The following CDK13 variants were observed in gnomAD, a reference collection of about 807,000 sequenced individuals.
CDK13 encodes the protein cyclin-dependent kinase 13.
A neutral mutation model predicts 137.6 loss-of-function variants in CDK13; 40 were observed. The ratio of observed to expected loss-of-function variants is 0.29; its 90% CI spans 0.23 to 0.38. CDK13 has a LOEUF of 0.38. Among genes scored for constraint, CDK13 ranks in the 10% least tolerant of loss-of-function variants. The pLI, the probability that CDK13 is intolerant of heterozygous loss-of-function variation, is 1.00. For synonymous variants in CDK13, 869 were observed against 760.1 expected (o/e 1.14, Z -2.36); for missense variants, 1,704 against 1,951.8 (o/e 0.87, Z 2.39).
At position 39,951,712 on chromosome 7, in the gene CDK13, C is replaced by T; in HGVS notation, c.1071C>T (p.Arg357=). The stretch of plus-strand genomic sequence containing the variant: ...GCCCCTATTCTCGGCGGCTGCCGCG[C>T]TCCCCGAGCCCCTACAGTCGCCGCC... ...GSSPYSRRLP[R]SPSPYSRRRS... The change falls in exon 1 of 14, where the codon CGC becomes CGT. Residue 357 remains arginine (R), a synonymous_variant. Transcript: ENST00000181839. The T allele has an allele frequency of 6.8e-7, 1 of 1,472,498 alleles. No individual in the cohort carries two copies. The highest frequency in any genetic ancestry group is 2.6e-5 in the East Asian group (1 of 38,254). The allele number at this position is 1,472,498 out of a possible 1,614,324, so 91.2% of individuals were successfully genotyped here.
Position 40,094,287 on chromosome 7 carries a change from G to C in CDK13, c.3846G>C (p.Gln1282His), listed in dbSNP as rs1786994650. 3 of 1,612,816 alleles carry C rather than the reference G, an allele frequency of 1.9e-6. No individual in the cohort carries two copies. The highest frequency in any genetic ancestry group is 2.5e-6 in the Non-Finnish European group (3 of 1,179,506). The change falls in exon 14 of 14, where the codon CAG becomes CAC. Residue 1282 changes from glutamine to histidine, a missense_variant. This residue lies in a region of CDK13 where 475 missense variants were observed against 579.3 expected (regional missense o/e 0.82). Coordinates refer to ENST00000181839, the MANE Select transcript of CDK13 (RefSeq NM_003718.5). ...ATCTAGATTATCGGACAGAAAACCAGCATGTACCCACCACCAGTTCTTCAT... is the reference window on the plus strand; with the variant it reads ...ATCTAGATTATCGGACAGAAAACCACCATGTACCCACCACCAGTTCTTCAT... Reference protein sequence around the residue: ...EEDLDYRTENQHVPTTSSSLT... With the variant: ...EEDLDYRTENHHVPTTSSSLT...
intron 5 of CDK13, among the ~76,000 whole-genome samples, chr7:40,019,537 T>A (rs1396158722): frequency 1.3e-5 from 2 of 152,184 alleles, no homozygotes; most frequent in Non-Finnish European, 2.9e-5. Flanking sequence ...CTCATTCTTT[T>A]CTTTCAAGGC....
chr7:40,001,722 A>G, intron 4 of CDK13, 139 bp from the exon 5 acceptor site: 1 of 676,866 alleles, frequency 1.5e-6, no homozygotes, highest in South Asian at 1.8e-5. Context: ...ATTATTTGGT[A>G]TATTGGAAAC....
intron 1 of CDK13, among the ~76,000 whole-genome samples, chr7:39,976,314 C>CTT (rs1784105981): frequency 9.6e-6 from 1 of 104,086 alleles, no homozygotes; most frequent in African/African-American, 3.2e-5. Flanking sequence ...CTCTCTCTCT[C>CTT]TCTCTCTCTC....
At position 40,098,215 on chromosome 7, in the gene CDK13, C is replaced by CAATG. The variant is rs1358831730; in HGVS notation, c.*3236_*3239dup. The CAATG allele has an allele frequency of 1.3e-5, 2 of 152,008 alleles. No individual in the cohort carries two copies. Among genetic ancestry groups the CAATG allele is most frequent in the Non-Finnish European group, 2.9e-5 (2 of 67,968 alleles). 9.4% of individuals were successfully genotyped at this position (152,008 alleles called of 1,614,324 possible). A position where few individuals can be genotyped will look rare whatever the true frequency, so the allele number is the denominator to read the frequency against. On this transcript the variant is annotated 3_prime_UTR_variant, in exon 14 of 14. Coordinates refer to ENST00000181839, the MANE Select transcript of CDK13 (RefSeq NM_003718.5). Reference sequence around the variant, plus strand: ...TTTTAAGTTGAATCTGGTCAGTTTGCAATGGCCTATTTGTAAGAAATATCA... The same window carrying CAATG: ...TTTTAAGTTGAATCTGGTCAGTTTGCAATGAATGGCCTATTTGTAAGAAATATCA...
chr7:40,042,477 C>CTT (rs5883713), intron 5 of CDK13, among the ~76,000 whole-genome samples: 73 of 76,048 alleles, frequency 9.6e-4, no homozygotes, highest in South Asian at 2.6e-3. Flanking sequence ...TCTTTTCTTT[C>CTT]TTTTTTTTTT....
intron 7 of CDK13, 112 bp downstream of exon 7, chr7:40,047,989 G>C: frequency 1.5e-6 from 1 of 673,066 alleles, no homozygotes. Flanking sequence ...TACTTTTCAT[G>C]GTTAGTACAT....
Position 39,951,096 on chromosome 7 carries a change from A to G in CDK13, c.455A>G (p.Gln152Arg). 1 of 1,259,290 alleles carries G rather than the reference A, an allele frequency of 7.9e-7. No individual in the cohort carries two copies. The highest frequency in any genetic ancestry group is 1.0e-6 in the Non-Finnish European group (1 of 1,003,584). The allele number at this position is 1,259,290 out of a possible 1,614,324, so 78.0% of individuals were successfully genotyped here. ...GTGGAATACGAGGATGTGAGCTCCCAGTCCGAGCAGGGGCTGCTGCTGGGG... is the reference window on the plus strand; with the variant it reads ...GTGGAATACGAGGATGTGAGCTCCCGGTCCGAGCAGGGGCTGCTGCTGGGG... ...PLVEYEDVSS[Q>R]SEQGLLLGGA... The change falls in exon 1 of 14, where the codon CAG becomes CGG. Residue 152 changes from glutamine (Q) to arginine (R), a missense_variant. Transcript: ENST00000181839.
chr7:40,042,338 C>CGAG (rs1333886730), intron 5 of CDK13, among the ~76,000 whole-genome samples: 1 of 151,928 alleles, frequency 6.6e-6, no homozygotes, highest in East Asian at 1.9e-4. Context: ...ACCTCGGCCT[C>CGAG]CCAAAGTGCT....
intron 2 of CDK13, among the ~76,000 whole-genome samples, chr7:39,989,052 C>T (rs1381028367): frequency 7.3e-6 from 1 of 137,776 alleles, no homozygotes; most frequent in Non-Finnish European, 1.5e-5. Context: ...CCACTGCACT[C>T]CAGCCTGGGT....
intron 1 of CDK13, among the ~76,000 whole-genome samples, chr7:39,965,977 T>C (rs1482320930): frequency 3.3e-5 from 5 of 152,226 alleles, no homozygotes; most frequent in Admixed American, 1.3e-4. Flanking sequence ...GAGTATCTGC[T>C]GAGAGATCAG....
At chr7:39,972,202 T>C (rs10254574) in intron 1 of CDK13, among the ~76,000 whole-genome samples, 40,665 of 152,146 alleles carry the variant, frequency 0.27, 6,573 homozygotes, top group Middle Eastern at 0.45. Context: ...ACGTGTCTTT[T>C]TGTTGTTGTT....
chr7:40,037,000 A>G (rs1183491382), intron 5 of CDK13, among the ~76,000 whole-genome samples: 2 of 152,214 alleles, frequency 1.3e-5, no homozygotes, highest in Non-Finnish European at 2.9e-5. Flanking sequence ...CTCATAATTT[A>G]TAGTAGCTCT....
At chr7:39,989,630 T>C (rs537081299) in intron 2 of CDK13, among the ~76,000 whole-genome samples, 1 of 152,272 alleles carries the variant, frequency 6.6e-6, no homozygotes, top group Non-Finnish European at 1.5e-5. Flanking sequence ...TTGTTGTATT[T>C]GCAGGTTTGA....
chr7:40,083,948 A>G (rs1268309203), intron 11 of CDK13, among the ~76,000 whole-genome samples: 1 of 152,228 alleles, frequency 6.6e-6, no homozygotes, highest in Non-Finnish European at 1.5e-5. Flanking sequence ...AAGGACTATG[A>G]AGAAATACAT....
intron 4 of CDK13, 83 bp downstream of exon 4, chr7:39,999,583 A>G (rs1784640827): frequency 3.0e-6 from 4 of 1,349,206 alleles, no homozygotes; most frequent in South Asian, 3.1e-5. Context: ...GGCTTCAGAA[A>G]TTTTCCAAAA....
At chr7:39,979,372 A>C (rs1222222835) in intron 1 of CDK13, among the ~76,000 whole-genome samples, 2 of 151,788 alleles carry the variant, frequency 1.3e-5, no homozygotes, top group African/African-American at 4.8e-5. Flanking sequence ...ATGCGCCACC[A>C]CACCCGTCTG....
intron 2 of CDK13, among the ~76,000 whole-genome samples, chr7:39,989,531 C>A (rs1437193372): frequency 6.6e-6 from 1 of 151,810 alleles, no homozygotes; most frequent in African/African-American, 2.4e-5. Context: ...AGTTTCATGC[C>A]CTTTGAGGTG....
chr7:39,959,448 A>G (rs545645230), intron 1 of CDK13, among the ~76,000 whole-genome samples: 1 of 149,866 alleles, frequency 6.7e-6, no homozygotes, highest in East Asian at 2.0e-4. Context: ...GGCGTGAGCC[A>G]CCGTGCCTGG....
Sources: gnomAD v4.1 joint callset for allele counts (sites outside exome capture counted in the v4.1 genomes callset) on GRCh38, gnomAD v4.1.1 for gene constraint, gnomAD v4.1.1 regional missense constraint, MANE v1.5 for transcripts, NCBI Gene and HGNC (gene_info 2026-07-23, HGNC 2026-07-21) for gene names.